The following TSPAN5 variants were observed in gnomAD, a reference collection of about 807,000 sequenced individuals.
The protein encoded by TSPAN5 is tetraspanin-5.
TSPAN5 carries 10 observed loss-of-function variants against 37.1 expected under a neutral mutation model. That is an observed-to-expected ratio of 0.27 (90% CI 0.17 to 0.46). TSPAN5 has a LOEUF of 0.46. Ranked by LOEUF, TSPAN5 falls within the 20% of genes least tolerant of loss-of-function variation. The probability of loss-of-function intolerance (pLI) is 1.00; values close to 1 mark genes in which losing one functional copy is unlikely to be tolerated. For missense variants in TSPAN5, 195 were observed against 326.6 expected (o/e 0.60, Z 3.11); for synonymous variants, 110 against 118.9 (o/e 0.93, Z 0.48).
rs555091223 is a variant in TSPAN5 at position 98,637,092 on chromosome 4, G to T, written c.81+21054C>A. Among the ~76,000 whole-genome samples, 20 of 152,316 alleles carry T rather than the reference G, an allele frequency of 1.3e-4. No homozygotes were observed. In the South Asian group the frequency reaches 2.5e-3, roughly 19 times the overall value. Reference sequence around the variant, plus strand: ...CAGCAAGTTCCTCTTCAAAGAGTGAGAGGCACAGGCAGTAGTTATCACACT... The same window carrying T: ...CAGCAAGTTCCTCTTCAAAGAGTGATAGGCACAGGCAGTAGTTATCACACT... On this transcript the variant is annotated intron_variant, in intron 1 of 7. Transcript: ENST00000305798.
Position 98,587,717 on chromosome 4 carries a change from G to A in TSPAN5, c.81+70429C>T, listed in dbSNP as rs182569343. ...ATCCTGACCAATATGGTGAAACCCTGTCTCTACTAAAATACAAAAAAATTA... is the reference window on the plus strand; with the variant it reads ...ATCCTGACCAATATGGTGAAACCCTATCTCTACTAAAATACAAAAAAATTA... On this transcript the variant is annotated intron_variant, in intron 1 of 7. Coordinates refer to ENST00000305798, the MANE Select transcript of TSPAN5 (RefSeq NM_005723.4). Among the ~76,000 whole-genome samples, 111 of 152,198 alleles carry A rather than the reference G, an allele frequency of 7.3e-4. No homozygotes were observed. In the Middle Eastern group the frequency reaches 0.017, roughly 23 times the overall value.
chr4:98,527,366 T>A (rs564346273), intron 1 of TSPAN5, among the ~76,000 whole-genome samples: 62 of 152,338 alleles, frequency 4.1e-4, no homozygotes, highest in African/African-American at 1.4e-3. Context: ...TCACTCAATT[T>A]AGATATAAAA....
intron 1 of TSPAN5, among the ~76,000 whole-genome samples, chr4:98,532,150 T>C (rs969946668): frequency 6.6e-6 from 1 of 152,246 alleles, no homozygotes; most frequent in Non-Finnish European, 1.5e-5. Flanking sequence ...ATGTCCTGAA[T>C]GGTACTGCCC....
intron 1 of TSPAN5, among the ~76,000 whole-genome samples, chr4:98,623,743 T>A (rs1482666064): frequency 6.6e-6 from 1 of 152,198 alleles, no homozygotes; most frequent in Non-Finnish European, 1.5e-5. Context: ...ACTCCTTTGG[T>A]GGCTTTCAAC....
At chr4:98,551,492 C>CTTTTTTTTTTT (rs35415457) in intron 1 of TSPAN5, among the ~76,000 whole-genome samples, 6 of 92,236 alleles carry the variant, frequency 6.5e-5, no homozygotes, top group East Asian at 6.7e-4. Context: ...TTTTTCTTTT[C>CTTTTTTTTTTT]TTTTTTTTTT....
intron 1 of TSPAN5, among the ~76,000 whole-genome samples, chr4:98,598,462 T>G (rs1291681552): frequency 6.8e-6 from 1 of 147,628 alleles, no homozygotes; most frequent in East Asian, 2.0e-4. Flanking sequence ...GGCTCCTCCC[T>G]CCTGTTTTTT....
chr4:98,584,471 A>G (rs1412106143), intron 1 of TSPAN5, among the ~76,000 whole-genome samples: 1 of 152,244 alleles, frequency 6.6e-6, no homozygotes, highest in Non-Finnish European at 1.5e-5. Flanking sequence ...ATGAGCAAAC[A>G]AATACACTGT....
Position 98,475,586 on chromosome 4 carries a change from G to A in TSPAN5, c.741+603C>T, listed in dbSNP as rs373119315. ...GCAGTATTTTTGAGCCCATGTAAAC[G>A]ATGGAATGCCAGTAGGCAACCACTA... On this transcript the variant is annotated intron_variant, in intron 7 of 7. Coordinates refer to ENST00000305798, the MANE Select transcript of TSPAN5 (RefSeq NM_005723.4). 5.3e-5 allele frequency among the ~76,000 whole-genome samples: 8 copies of A among 152,324 alleles called. No individual in the cohort carries two copies. The South Asian group carries it at 6.2e-4, about 12-fold the overall frequency.
chr4:98,630,262 C>T (rs575195538), intron 1 of TSPAN5, among the ~76,000 whole-genome samples: 13 of 152,294 alleles, frequency 8.5e-5, no homozygotes, highest in African/African-American at 3.1e-4. Flanking sequence ...ACGAAAAGCA[C>T]TGCAGCTGTT....
chr4:98,608,515 A>G (rs2110230621), intron 1 of TSPAN5, among the ~76,000 whole-genome samples: 1 of 152,296 alleles, frequency 6.6e-6, no homozygotes, highest in South Asian at 2.1e-4. Flanking sequence ...ATCAGTCACC[A>G]CGGAGAGGAA....
intron 1 of TSPAN5, among the ~76,000 whole-genome samples, chr4:98,606,301 A>G (rs1756036734): frequency 6.6e-6 from 1 of 152,216 alleles, no homozygotes; most frequent in South Asian, 2.1e-4. Flanking sequence ...CCCCATTCTG[A>G]AAGGTTTGCC....
chr4:98,492,325 A>G (rs1291111303), intron 2 of TSPAN5, among the ~76,000 whole-genome samples: 3 of 152,212 alleles, frequency 2.0e-5, no homozygotes, highest in Non-Finnish European at 4.4e-5. Flanking sequence ...ACCGCGCTCA[A>G]GAAGAAACAA....
rs533329775 is a variant in TSPAN5 at position 98,572,485 on chromosome 4, C to T, written c.82-64757G>A. Among the ~76,000 whole-genome samples, 6 of 152,334 alleles carry T rather than the reference C, an allele frequency of 3.9e-5. No homozygotes were observed. In the South Asian group the frequency reaches 1.2e-3, roughly 32 times the overall value. On this transcript the variant is annotated intron_variant, in intron 1 of 7. Coordinates refer to ENST00000305798, the MANE Select transcript of TSPAN5 (RefSeq NM_005723.4). ...AGCACAGAACAGACTGAGACCGCTACCTTCATGAAGCTTACGTTTGGGAAA... is the reference window on the plus strand; with the variant it reads ...AGCACAGAACAGACTGAGACCGCTATCTTCATGAAGCTTACGTTTGGGAAA...
rs528939480 is a variant in TSPAN5 at position 98,641,998 on chromosome 4, G to A, written c.81+16148C>T. On this transcript the variant is annotated intron_variant, in intron 1 of 7. Transcript: ENST00000305798. ...AAACTAGGACCCAAATTATTTGTAA[G>A]GTCTCTTTCAACATATAAATCCTAA... 6.1e-4 allele frequency among the ~76,000 whole-genome samples: 93 copies of A among 152,254 alleles called. 1 individual carries two copies. In the South Asian group the frequency reaches 0.018, roughly 30 times the overall value.
intron 1 of TSPAN5, among the ~76,000 whole-genome samples, chr4:98,587,804 G>A (rs773874335): frequency 8.5e-5 from 13 of 152,076 alleles, no homozygotes; most frequent in Non-Finnish European, 1.5e-4. Flanking sequence ...CAGGGGAATC[G>A]CTTGAACTGA....
chr4:98,523,342 A>G (rs1489047492), intron 1 of TSPAN5, among the ~76,000 whole-genome samples: 1 of 152,248 alleles, frequency 6.6e-6, no homozygotes, highest in Non-Finnish European at 1.5e-5. Flanking sequence ...CATTAAAGTG[A>G]GTTGAAGATA....
At chr4:98,473,066 T>G (rs561418898) in intron 7 of TSPAN5, among the ~76,000 whole-genome samples, 1 of 152,258 alleles carries the variant, frequency 6.6e-6, no homozygotes, top group African/African-American at 2.4e-5. Context: ...CCATTTTGTT[T>G]ATCTACTCCT....
intron 1 of TSPAN5, among the ~76,000 whole-genome samples, chr4:98,601,894 C>T (rs915692568): frequency 6.6e-6 from 1 of 152,086 alleles, no homozygotes; most frequent in African/African-American, 2.4e-5. Context: ...ACTGAGAAAC[C>T]ATTACTCATC....
At chr4:98,650,527 A>G (rs1757163190) in intron 1 of TSPAN5, among the ~76,000 whole-genome samples, 1 of 152,188 alleles carries the variant, frequency 6.6e-6, no homozygotes, top group Non-Finnish European at 1.5e-5. Context: ...TGTCAAATAA[A>G]GCAGTTATAA....
Sources: gnomAD v4.1 joint callset for allele counts (sites outside exome capture counted in the v4.1 genomes callset) on GRCh38, gnomAD v4.1.1 for gene constraint, MANE v1.5 for transcripts, NCBI Gene and HGNC (gene_info 2026-07-23, HGNC 2026-07-21) for gene names.